CHMP2B: variants seen among roughly 807,000 people sequenced by gnomAD.
The protein encoded by CHMP2B is VPS2 homolog B.
In CHMP2B, 22 loss-of-function variants were observed where a neutral mutation model predicts 29.8. The observed-to-expected ratio is 0.74, with a 90% confidence interval of 0.53 to 1.05. The LOEUF is 1.05. Ranked by LOEUF, CHMP2B falls within the 50% of genes least tolerant of loss-of-function variation. The pLI is 0.00. For synonymous variants in CHMP2B, 78 were observed against 75.8 expected (o/e 1.03, Z -0.15); for missense variants, 261 against 252.2 (o/e 1.03, Z -0.24).
At chr3:87,252,205 G>A (rs1166710660) in intron 4 of CHMP2B, among the ~76,000 whole-genome samples, 8 of 151,864 alleles carry the variant, frequency 5.3e-5, no homozygotes, top group Admixed American at 5.3e-4. Context: ...CCTGGTAGGA[G>A]CATTGCATAG....
chr3:87,238,066 G>A lies in CHMP2B; in HGVS notation c.35-2633G>A, dbSNP rs1277025082. On this transcript the variant is annotated intron_variant, in intron 1 of 5. Transcript: ENST00000263780. Reference sequence around the variant, plus strand: ...CTTGTAGGTAGGATATAGGAGCTTTGACATCTTATTTTAGCTTTTATTCAG... The same window carrying A: ...CTTGTAGGTAGGATATAGGAGCTTTAACATCTTATTTTAGCTTTTATTCAG... 2.6e-5 allele frequency among the ~76,000 whole-genome samples: 4 copies of A among 152,146 alleles called. No individual in the cohort carries two copies. The East Asian group carries it at 7.7e-4, about 29-fold the overall frequency.
intron 4 of CHMP2B, among the ~76,000 whole-genome samples, chr3:87,250,848 A>G (rs1444123875): frequency 2.6e-5 from 4 of 151,836 alleles, no homozygotes; most frequent in East Asian, 3.9e-4. Flanking sequence ...TGTACTACCA[A>G]TTCTTTCCGG....
chr3:87,245,818 T>C lies in CHMP2B; in HGVS notation c.231T>C (p.Ala77=). 2.5e-6 allele frequency: 4 copies of C among 1,613,726 alleles called. No individual in the cohort carries two copies. The highest frequency in any genetic ancestry group is 3.4e-6 in the Non-Finnish European group (4 of 1,179,792). Residue 77 remains alanine, a synonymous_variant, in exon 3 of 6, where the codon GCT becomes GCC. Transcript: ENST00000263780. ...HLRKQKTRTF[A]VSSKVTSMST... ...GGAAACAGAAGACGAGAACTTTTGC[T>C]GTAAGTTCAAAAGTTACTTCTATGT...
intron 1 of CHMP2B, among the ~76,000 whole-genome samples, chr3:87,230,518 A>G (rs963896977): frequency 2.0e-5 from 3 of 152,150 alleles, no homozygotes; most frequent in African/African-American, 7.2e-5. Flanking sequence ...GGAATTCTCA[A>G]CTTTTGGTAG....
chr3:87,253,228 G>T (rs962292975), intron 4 of CHMP2B, 176 bp from the exon 5 acceptor site: 4 of 571,624 alleles, frequency 7.0e-6, no homozygotes, highest in Non-Finnish European at 1.3e-5. Flanking sequence ...AGATTTAATG[G>T]CTCAAATATG....
Position 87,240,778 on chromosome 3 carries a change from A to G in CHMP2B, c.114A>G (p.Gln38=), listed in dbSNP as rs750983989. The stretch of plus-strand genomic sequence containing the variant: ...GAGATCGAGCAGCTTTAGAGAAACA[A>G]GAAAAACAGCTGGTAAGTAGAACGT... ...IIRDRAALEK[Q]EKQLELEIKK... Residue 38 remains glutamine, a synonymous_variant, in exon 2 of 6, where the codon CAA becomes CAG. Coordinates refer to ENST00000263780, the MANE Select transcript of CHMP2B (RefSeq NM_014043.4). 1.2e-5 allele frequency: 20 copies of G among 1,612,406 alleles called. No homozygotes were observed. The highest frequency in any genetic ancestry group is 5.5e-5 in the South Asian group (5 of 91,062).
At chr3:87,246,729 T>C (rs1388477959) in intron 3 of CHMP2B, among the ~76,000 whole-genome samples, 2 of 152,218 alleles carry the variant, frequency 1.3e-5, no homozygotes, top group East Asian at 3.8e-4. Context: ...GTGTTTTTAC[T>C]GTAGTTTAAA....
At chr3:87,230,748 T>C (rs879458140) in intron 1 of CHMP2B, among the ~76,000 whole-genome samples, 4 of 152,168 alleles carry the variant, frequency 2.6e-5, no homozygotes, top group Non-Finnish European at 5.9e-5. Context: ...CTTAACAGAC[T>C]GCCTCCCCCA....
intron 1 of CHMP2B, among the ~76,000 whole-genome samples, chr3:87,229,765 A>G (rs1278191790): frequency 2.0e-5 from 3 of 152,150 alleles, no homozygotes; most frequent in Admixed American, 6.5e-5. Context: ...GTACCTGCCT[A>G]TAGATCTGGG....
At chr3:87,233,000 G>T (rs1705935108) in intron 1 of CHMP2B, among the ~76,000 whole-genome samples, 1 of 152,048 alleles carries the variant, frequency 6.6e-6, no homozygotes, top group South Asian at 2.1e-4. Flanking sequence ...AATTATTTTT[G>T]CTACCGCATA....
intron 1 of CHMP2B, among the ~76,000 whole-genome samples, chr3:87,230,744 A>C (rs1705894078): frequency 6.6e-6 from 1 of 152,184 alleles, no homozygotes; most frequent in South Asian, 2.1e-4. Flanking sequence ...TTTACTTAAC[A>C]GACTGCCTCC....
At chr3:87,237,689 A>T (rs1047843782) in intron 1 of CHMP2B, among the ~76,000 whole-genome samples, 3 of 152,228 alleles carry the variant, frequency 2.0e-5, no homozygotes, top group Admixed American at 1.3e-4. Context: ...AAGGATTGAC[A>T]ATGCATACCC....
At chr3:87,253,549 G>T (rs773425495) in intron 5 of CHMP2B, 39 bp downstream of exon 5, 1 of 1,432,438 alleles carries the variant, frequency 7.0e-7, no homozygotes, top group East Asian at 2.3e-5. Flanking sequence ...AATAGTTTCT[G>T]CCTACCACGT....
intron 4 of CHMP2B, among the ~76,000 whole-genome samples, chr3:87,252,338 C>A (rs1706329817): frequency 6.6e-6 from 1 of 151,800 alleles, no homozygotes; most frequent in Non-Finnish European, 1.5e-5. Context: ...TCCCCAGATA[C>A]CAGGAGAGGA....
chr3:87,249,061 A>C lies in CHMP2B; in HGVS notation c.322-814A>C, dbSNP rs536588225. 5.3e-5 allele frequency among the ~76,000 whole-genome samples: 8 copies of C among 152,270 alleles called. No individual in the cohort carries two copies. The South Asian group carries it at 1.7e-3, about 32-fold the overall frequency. On this transcript the variant is annotated intron_variant, in intron 3 of 5. Coordinates refer to ENST00000263780, the MANE Select transcript of CHMP2B (RefSeq NM_014043.4). ...AAACATTACAGAGTATACTTACATA[A>C]ACCTAGGTGATACAGCCTACTACGC... is the stretch of plus-strand genomic sequence containing the variant.
intron 3 of CHMP2B, among the ~76,000 whole-genome samples, chr3:87,246,704 C>G (rs1346011635): frequency 6.6e-6 from 1 of 152,170 alleles, no homozygotes; most frequent in African/African-American, 2.4e-5. Context: ...ACACATTTTT[C>G]TATATCTGTA....
intron 4 of CHMP2B, among the ~76,000 whole-genome samples, chr3:87,252,671 G>T (rs1275727075): frequency 6.6e-6 from 1 of 151,570 alleles, no homozygotes; most frequent in South Asian, 2.1e-4. Flanking sequence ...ACTACCCGAG[G>T]TCTTTGTTTT....
At chr3:87,234,254 T>A (rs543947083) in intron 1 of CHMP2B, among the ~76,000 whole-genome samples, 2 of 152,260 alleles carry the variant, frequency 1.3e-5, no homozygotes. Flanking sequence ...TGAGCTAGAC[T>A]GGACCACATG....
At chr3:87,248,755 G>T (rs771742755) in intron 3 of CHMP2B, among the ~76,000 whole-genome samples, 2 of 152,006 alleles carry the variant, frequency 1.3e-5, no homozygotes, top group Non-Finnish European at 2.9e-5. Flanking sequence ...AGGTGTGTTG[G>T]GGGTGGGGAG....
Sources: gnomAD v4.1 joint callset for allele counts (sites outside exome capture counted in the v4.1 genomes callset) on GRCh38, gnomAD v4.1.1 for gene constraint, MANE v1.5 for transcripts, NCBI Gene and HGNC (gene_info 2026-07-23, HGNC 2026-07-21) for gene names.